The following DCC variants were observed in gnomAD, a reference collection of about 807,000 sequenced individuals.
DCC encodes DCC netrin 1 receptor.
DCC carries 58 observed loss-of-function variants against 172.5 expected under a neutral mutation model. That is an observed-to-expected ratio of 0.34 (90% CI 0.27 to 0.42). The LOEUF (loss-of-function observed/expected upper bound fraction) is 0.42. Among genes scored for constraint, DCC ranks in the 10% least tolerant of loss-of-function variants. The probability of loss-of-function intolerance (pLI) is 1.00; values close to 1 mark genes in which losing one functional copy is unlikely to be tolerated. For synonymous variants in DCC, 709 were observed against 644.5 expected (o/e 1.10, Z -1.52); for missense variants, 1,740 against 1,791.0 (o/e 0.97, Z 0.51).
intron 1 of DCC, among the ~76,000 whole-genome samples, chr18:52,608,102 C>T (rs555058480): frequency 2.6e-5 from 4 of 152,012 alleles, no homozygotes; most frequent in Non-Finnish European, 5.9e-5. Flanking sequence ...CCCTTCTTTT[C>T]TTTCTCCCTG....
intron 2 of DCC, among the ~76,000 whole-genome samples, chr18:52,836,863 C>G (rs1259980212): frequency 2.0e-5 from 3 of 152,240 alleles, no homozygotes; most frequent in South Asian, 2.1e-4. Flanking sequence ...CCCTTCTATA[C>G]TGCCCTAGCA....
intron 2 of DCC, among the ~76,000 whole-genome samples, chr18:52,815,775 G>T (rs1349269074): frequency 6.6e-6 from 1 of 152,154 alleles, no homozygotes; most frequent in African/African-American, 2.4e-5. Flanking sequence ...AGATAACTAT[G>T]ATATATCTCC....
chr18:53,478,426 G>A (rs894195679), intron 25 of DCC, among the ~76,000 whole-genome samples: 2 of 152,152 alleles, frequency 1.3e-5, no homozygotes, highest in African/African-American at 4.8e-5. Context: ...AAAGGAAGAG[G>A]GGAATAGGAA....
intron 14 of DCC, among the ~76,000 whole-genome samples, chr18:53,323,344 A>G (rs1418407654): frequency 6.6e-6 from 1 of 152,220 alleles, no homozygotes; most frequent in African/African-American, 2.4e-5. Context: ...TTTTACTAAA[A>G]TAATTATGGT....
Position 52,698,715 on chromosome 18 carries a change from C to T in DCC, c.92-53339C>T, listed in dbSNP as rs561915071. ...CCGGGTTCAAGCAATTCTCCTGCCT[C>T]AGCCTCCCGAGTAGCTGGGATTACA... On this transcript the variant is annotated intron_variant, in intron 1 of 28. Coordinates refer to ENST00000442544, the MANE Select transcript of DCC (RefSeq NM_005215.4). Among the ~76,000 whole-genome samples, 7 of 152,186 alleles carry T rather than the reference C, an allele frequency of 4.6e-5. No individual in the cohort carries two copies. The South Asian group carries it at 1.5e-3, about 32-fold the overall frequency.
chr18:53,328,209 T>C (rs919230909), intron 14 of DCC, among the ~76,000 whole-genome samples: 1 of 152,232 alleles, frequency 6.6e-6, no homozygotes, highest in Non-Finnish European at 1.5e-5. Context: ...TAACAAACTT[T>C]AATGTGCCCA....
At chr18:52,726,262 C>A (rs1262325129) in intron 1 of DCC, among the ~76,000 whole-genome samples, 1 of 152,180 alleles carries the variant, frequency 6.6e-6, no homozygotes, top group African/African-American at 2.4e-5. Context: ...TCTAGATATG[C>A]TTGCCTCCGG....
At chr18:53,359,816 T>G (rs181262080) in intron 15 of DCC, among the ~76,000 whole-genome samples, 1 of 152,144 alleles carries the variant, frequency 6.6e-6, no homozygotes, top group East Asian at 1.9e-4. Flanking sequence ...CAGAGCCTAA[T>G]TTCTGATGCT....
chr18:52,801,620 T>C (rs576545795), intron 2 of DCC, among the ~76,000 whole-genome samples: 1 of 152,332 alleles, frequency 6.6e-6, no homozygotes, highest in East Asian at 1.9e-4. Context: ...TCTCAAAGTT[T>C]TGAATGCAGT....
At chr18:52,892,357 A>G (rs2039663717) in intron 2 of DCC, 1 of 152,158 alleles carries the variant, frequency 6.6e-6, no homozygotes, top group Admixed American at 6.6e-5. Flanking sequence ...GAAGCAGGGT[A>G]GAAATATATC....
At chr18:52,376,880 A>T (rs1001929097) in intron 1 of DCC, among the ~76,000 whole-genome samples, 1 of 152,192 alleles carries the variant, frequency 6.6e-6, no homozygotes, top group African/African-American at 2.4e-5. Flanking sequence ...AGGGAAGGGG[A>T]TAAGATGTAA....
intron 9 of DCC, among the ~76,000 whole-genome samples, chr18:53,180,291 G>T (rs1460987806): frequency 6.6e-6 from 1 of 152,140 alleles, no homozygotes; most frequent in Non-Finnish European, 1.5e-5. Context: ...ACGGAAGAGG[G>T]CTAAGTTGTG....
chr18:53,495,542 C>G (rs1041020141), intron 26 of DCC, among the ~76,000 whole-genome samples: 4 of 152,112 alleles, frequency 2.6e-5, no homozygotes, highest in African/African-American at 7.2e-5. Flanking sequence ...CTCTGGCTGC[C>G]CTTAACATTT....
chr18:53,051,354 G>C (rs984499854), intron 5 of DCC, among the ~76,000 whole-genome samples: 1 of 151,970 alleles, frequency 6.6e-6, no homozygotes, highest in African/African-American at 2.4e-5. Flanking sequence ...GCCCACCTTT[G>C]GATCTTTAGT....
chr18:52,614,167 C>G (rs1338411590), intron 1 of DCC, among the ~76,000 whole-genome samples: 1 of 152,094 alleles, frequency 6.6e-6, no homozygotes. Context: ...AATTAATTCC[C>G]TATGTGTTTA....
At chr18:52,370,325 C>T (rs1259775435) in intron 1 of DCC, among the ~76,000 whole-genome samples, 1 of 152,124 alleles carries the variant, frequency 6.6e-6, no homozygotes, top group Non-Finnish European at 1.5e-5. Flanking sequence ...ATGGAATCAA[C>T]CCAAATGTCC....
intron 2 of DCC, among the ~76,000 whole-genome samples, chr18:52,881,156 T>G (rs2039479895): frequency 6.6e-6 from 1 of 152,170 alleles, no homozygotes; most frequent in African/African-American, 2.4e-5. Flanking sequence ...TTTTATTATC[T>G]TCTGAGAAAT....
intron 8 of DCC, among the ~76,000 whole-genome samples, chr18:53,178,333 T>C (rs898528175): frequency 1.8e-4 from 27 of 152,220 alleles, no homozygotes; most frequent in African/African-American, 6.0e-4. Context: ...ATAAATGTAT[T>C]GATATTGAAC....
Position 53,209,822 on chromosome 18 carries a change from C to T in DCC, c.1861+2005C>T, listed in dbSNP as rs117947395. ...ATAATTTATGTAGATTTCATTCACT[C>T]TGAACTGTAATACTGTGGCCTGATT... On this transcript the variant is annotated intron_variant, in intron 11 of 28. Transcript: ENST00000442544. Among the ~76,000 whole-genome samples the T allele has an allele frequency of 2.6e-3, 399 of 152,288 alleles. 4 individuals are homozygous for T. In the East Asian group the frequency reaches 0.034, roughly 13 times the overall value.
Sources: gnomAD v4.1 joint callset for allele counts (sites outside exome capture counted in the v4.1 genomes callset) on GRCh38, gnomAD v4.1.1 for gene constraint, MANE v1.5 for transcripts, NCBI Gene and HGNC (gene_info 2026-07-23, HGNC 2026-07-21) for gene names.